The following ETS1 variants were observed in gnomAD, a reference collection of about 807,000 sequenced individuals.
ETS1 encodes the protein protein C-ets-1.
In ETS1, 15 loss-of-function variants were observed where a neutral mutation model predicts 58.6. The ratio of observed to expected loss-of-function variants is 0.26; its 90% CI spans 0.17 to 0.39. The LOEUF (loss-of-function observed/expected upper bound fraction) is 0.39, where lower values mean the gene tolerates loss of function less well. Among genes scored for constraint, ETS1 ranks in the 10% least tolerant of loss-of-function variants. The probability of loss-of-function intolerance (pLI) is 1.00; values close to 1 mark genes in which losing one functional copy is unlikely to be tolerated. For synonymous variants in ETS1, 214 were observed against 218.2 expected, an observed-to-expected ratio of 0.98 and a Z score of 0.17; for missense variants, 417 against 610.5, an observed-to-expected ratio of 0.68 and a Z score of 3.34.
intron 3 of ETS1, among the ~76,000 whole-genome samples, chr11:128,507,748 G>A (rs1334734732): frequency 6.6e-6 from 1 of 152,180 alleles, no homozygotes; most frequent in Non-Finnish European, 1.5e-5. Context: ...TCAGGGGGCT[G>A]CCAGGTCTTC....
At chr11:128,553,162 G>C (rs1445873874) in intron 3 of ETS1, among the ~76,000 whole-genome samples, 1 of 152,194 alleles carries the variant, frequency 6.6e-6, no homozygotes, top group Admixed American at 6.5e-5. Flanking sequence ...CATTCATGCA[G>C]AACACCAGCA....
At chr11:128,492,603 T>C (rs1050561970) in intron 3 of ETS1, among the ~76,000 whole-genome samples, 2 of 151,104 alleles carry the variant, frequency 1.3e-5, no homozygotes, top group African/African-American at 2.4e-5. Flanking sequence ...AAATCCCAGA[T>C]TGTTAGGGGG....
At chr11:128,519,859 G>A (rs1352669558) in intron 3 of ETS1, among the ~76,000 whole-genome samples, 2 of 145,684 alleles carry the variant, frequency 1.4e-5, no homozygotes, top group Non-Finnish European at 3.1e-5. Flanking sequence ...AGCAACTAAA[G>A]GTCCAGAAAA....
At chr11:128,543,656 C>T (rs1864088763) in intron 3 of ETS1, among the ~76,000 whole-genome samples, 1 of 152,216 alleles carries the variant, frequency 6.6e-6, no homozygotes, top group Non-Finnish European at 1.5e-5. Flanking sequence ...ATCTGGCCTG[C>T]TCTTTCCCAC....
At chr11:128,548,815 C>G (rs1475259798) in intron 3 of ETS1, among the ~76,000 whole-genome samples, 1 of 152,234 alleles carries the variant, frequency 6.6e-6, no homozygotes, top group Admixed American at 6.5e-5. Context: ...TTAACCCTCC[C>G]GCCCTGCGGA....
chr11:128,532,276 G>A (rs1485503152), intron 3 of ETS1, among the ~76,000 whole-genome samples: 3 of 152,142 alleles, frequency 2.0e-5, no homozygotes, highest in African/African-American at 7.2e-5. Context: ...AGAACCTTAG[G>A]GAAAGGTTTC....
At chr11:128,499,953 T>G (rs920603182) in intron 3 of ETS1, among the ~76,000 whole-genome samples, 1 of 152,226 alleles carries the variant, frequency 6.6e-6, no homozygotes, top group Non-Finnish European at 1.5e-5. Flanking sequence ...GGTAAAGTTT[T>G]TCTGCACTTT....
chr11:128,584,585 C>A (rs1346267252), intron 1 of ETS1, among the ~76,000 whole-genome samples: 1 of 152,078 alleles, frequency 6.6e-6, no homozygotes, highest in Admixed American at 6.5e-5. Context: ...GCTGAGTATT[C>A]CTCCTTAGGT....
intron 3 of ETS1, among the ~76,000 whole-genome samples, chr11:128,493,060 C>T (rs1259870090): frequency 6.6e-6 from 1 of 152,162 alleles, no homozygotes; most frequent in African/African-American, 2.4e-5. Context: ...AAGGACCTTA[C>T]TGATGGCGGA....
chr11:128,576,745 C>A (rs1466464819), intron 1 of ETS1, among the ~76,000 whole-genome samples: 1 of 151,814 alleles, frequency 6.6e-6, no homozygotes, highest in Non-Finnish European at 1.5e-5. Context: ...TCCACTGCAA[C>A]ATGGAACTCT....
At chr11:128,557,930 C>A (rs892958252) in intron 2 of ETS1, among the ~76,000 whole-genome samples, 12 of 152,224 alleles carry the variant, frequency 7.9e-5, no homozygotes, top group African/African-American at 2.2e-4. Flanking sequence ...TGCCCACTAT[C>A]TGCTCCCTTT....
At chr11:128,538,690 A>G (rs1293406472) in intron 3 of ETS1, among the ~76,000 whole-genome samples, 4 of 152,126 alleles carry the variant, frequency 2.6e-5, no homozygotes, top group Admixed American at 1.3e-4. Context: ...TGCCTGGCTA[A>G]AAGTGAAGAA....
Position 128,462,258 on chromosome 11 carries a change from T to C in ETS1, c.*103A>G. On this transcript the variant is annotated 3_prime_UTR_variant, in exon 10 of 10. Coordinates refer to ENST00000392668, the MANE Select transcript of ETS1 (RefSeq NM_001143820.2). ...CCACCCCTGAAGGTAAAAAATGAGT[T>C]CTGGAAAATAAAAAATAGAATAACA... 1.1e-6 allele frequency: 1 copy of C among 929,022 alleles called. No individual in the cohort carries two copies. The highest frequency in any genetic ancestry group is 1.6e-5 in the South Asian group (1 of 62,710). The allele number at this position is 929,022 out of a possible 1,614,324, so 57.5% of individuals were successfully genotyped here. A position where few individuals can be genotyped will look rare whatever the true frequency, so the allele number is the denominator to read the frequency against.
At chr11:128,583,354 T>A (rs1052887398) in intron 1 of ETS1, among the ~76,000 whole-genome samples, 3 of 152,204 alleles carry the variant, frequency 2.0e-5, no homozygotes, top group Admixed American at 2.0e-4. Context: ...AGGAGCCATA[T>A]GCCAGATGCA....
At chr11:128,536,971 A>G (rs1408248566) in intron 3 of ETS1, among the ~76,000 whole-genome samples, 6 of 152,210 alleles carry the variant, frequency 3.9e-5, no homozygotes, top group Admixed American at 3.9e-4. Flanking sequence ...ATCACAAAAT[A>G]ATTCCAACAT....
intron 2 of ETS1, among the ~76,000 whole-genome samples, chr11:128,568,896 A>G (rs1333991146): frequency 6.6e-6 from 1 of 152,250 alleles, no homozygotes; most frequent in Non-Finnish European, 1.5e-5. Context: ...CAGCATGCTA[A>G]GTAAGAGCCC....
At chr11:128,580,986 G>C (rs780242812) in intron 1 of ETS1, among the ~76,000 whole-genome samples, 5 of 152,200 alleles carry the variant, frequency 3.3e-5, no homozygotes, top group Non-Finnish European at 7.4e-5. Context: ...ATTTTAAAGA[G>C]TATATTGTTT....
chr11:128,569,193 G>A (rs915242046), intron 2 of ETS1, among the ~76,000 whole-genome samples: 1 of 152,114 alleles, frequency 6.6e-6, no homozygotes, highest in Middle Eastern at 3.2e-3. Flanking sequence ...TTTTAACAAT[G>A]AGACACATCT....
At chr11:128,507,020 G>C (rs1863256954) in intron 3 of ETS1, among the ~76,000 whole-genome samples, 1 of 152,198 alleles carries the variant, frequency 6.6e-6, no homozygotes, top group South Asian at 2.1e-4. Flanking sequence ...CCTGGTGGGG[G>C]AGACAGAGGA....
Sources: gnomAD v4.1 joint callset for allele counts (sites outside exome capture counted in the v4.1 genomes callset) on GRCh38, gnomAD v4.1.1 for gene constraint, MANE v1.5 for transcripts, NCBI Gene and HGNC (gene_info 2026-07-23, HGNC 2026-07-21) for gene names.